Variants in THAP4 observed in about 807,000 individuals in gnomAD.
THAP4 encodes THAP domain containing 4, also known as peroxynitrite isomerase THAP4.
THAP4 carries 18 observed loss-of-function variants against 48.1 expected under a neutral mutation model. The observed-to-expected ratio is 0.37, with a 90% confidence interval of 0.26 to 0.56. The LOEUF is 0.56. Among genes scored for constraint, THAP4 ranks in the 20% least tolerant of loss-of-function variants. The probability of loss-of-function intolerance (pLI) is 0.78; values close to 1 mark genes in which losing one functional copy is unlikely to be tolerated. For synonymous variants in THAP4, 345 were observed against 324.9 expected (o/e 1.06, Z -0.66); for missense variants, 656 against 774.9 (o/e 0.85, Z 1.82).
chr2:241,633,523 C>G lies in THAP4; in HGVS notation c.634G>C (p.Asp212His). 6.2e-7 allele frequency: 1 copy of G among 1,614,154 alleles called. No individual in the cohort carries two copies. Among genetic ancestry groups the G allele is most frequent in the African/African-American group, 1.3e-5 (1 of 75,058 alleles). Residue 212 changes from aspartate to histidine, a missense_variant, in exon 2 of 6, where the codon GAT (aspartate) becomes CAT (histidine). Asp to His is a moderately conservative substitution (Grantham distance 81). Coordinates refer to ENST00000407315, the MANE Select transcript of THAP4 (RefSeq NM_015963.6). This position sits in a 1 kb window ranked among gnomAD's most constrained non-coding sequence, Gnocchi z 7.5. The part of the protein sequence containing the change: ...ATSSIEGGVT[D>H]KSGISMDDFT... ...TCATCCATAGAAATGCCACTCTTAT[C>G]TGTCACGCCCCCTTCGATGGAGGAA...
In THAP4 at chr2:241,637,070, G is replaced by T. The variant is rs1166246777; in HGVS notation, c.-53C>A. 8.2e-6 allele frequency: 9 copies of T among 1,093,444 alleles called. No individual in the cohort carries two copies. The highest frequency in any genetic ancestry group is 8.9e-6 in the Non-Finnish European group (8 of 896,396). 67.7% of individuals were successfully genotyped at this position (1,093,444 alleles called of 1,614,324 possible). A position where few individuals can be genotyped will look rare whatever the true frequency, so the allele number is the denominator to read the frequency against. ...AGGCCCCGGCCCTAGCCGCCCGCCC[G>T]CCCGCGGACCGCCCCGAGGGAGGGA... is the stretch of plus-strand genomic sequence containing the variant. On this transcript the variant is annotated 5_prime_UTR_variant, in exon 1 of 6. Coordinates refer to ENST00000407315, the MANE Select transcript of THAP4 (RefSeq NM_015963.6).
chr2:241,594,936 G>A (rs895371876), intron 5 of THAP4, among the ~76,000 whole-genome samples: 1 of 152,166 alleles, frequency 6.6e-6, no homozygotes, highest in Non-Finnish European at 1.5e-5. Context: ...TAACTGTAGT[G>A]ATGGGTACAC....
In THAP4 at chr2:241,610,674, T is replaced by G. The variant is rs1575028633; in HGVS notation, c.1241-4201A>C. 6.6e-6 allele frequency among the ~76,000 whole-genome samples: 1 copy of G among 150,462 alleles called. No individual in the cohort carries two copies. Among genetic ancestry groups the G allele is most frequent in the Non-Finnish European group, 1.5e-5 (1 of 67,546 alleles). Reference sequence around the variant, plus strand: ...CTCACCGGCAGCCTCTGCCTCCCCCTGGTCTTTCCCTCCCACCACCCACCG... The same window carrying G: ...CTCACCGGCAGCCTCTGCCTCCCCCGGGTCTTTCCCTCCCACCACCCACCG... On this transcript the variant is annotated intron_variant, in intron 2 of 5. Transcript: ENST00000407315. The surrounding 1 kb of genome is among the most constrained non-coding windows in gnomAD (Gnocchi z 4.2).
chr2:241,632,919 C>A lies in THAP4; in HGVS notation c.1238G>T (p.Arg413Leu). The A allele has an allele frequency of 1.3e-6, 2 of 1,594,424 alleles. No individual in the cohort carries two copies. The highest frequency in any genetic ancestry group is 1.7e-6 in the Non-Finnish European group (2 of 1,169,844). The change falls in exon 2 of 6, where the codon CGC becomes CTC. Residue 413 changes from arginine (R) to leucine (L), a missense_variant and splice_region_variant. By Grantham distance (102) the Arg-to-Leu change is moderately radical (BLOSUM62 -2). This residue lies in a region of THAP4 where 176 missense variants were observed against 256.7 expected (regional missense o/e 0.69). Coordinates refer to ENST00000407315, the MANE Select transcript of THAP4 (RefSeq NM_015963.6). ...GTACGCGAGGCTCCGGTACTGACCG[C>A]GGCTGGGCGACAGCAGGCTACTTGG... ...PYPSSLLSPS[R>L]EPPKMNPVVE... is the part of the protein sequence containing the mutation.
Position 241,633,393 on chromosome 2 carries a change from G to T in THAP4, c.764C>A (p.Pro255His), listed in dbSNP as rs372921088. 6.2e-7 allele frequency: 1 copy of T among 1,613,290 alleles called. No homozygotes were observed. The highest frequency in any genetic ancestry group is 8.5e-7 in the Non-Finnish European group (1 of 1,180,024). Reference protein sequence around the residue: ...TRERPSVPREPIDRKRLKKDV... With the variant: ...TRERPSVPREHIDRKRLKKDV... Reference sequence around the variant, plus strand: ...TTTCTTCAGCCTCTTGCGGTCAATGGGCTCTCGGGGGACAGATGGCCTTTC... The same window carrying T: ...TTTCTTCAGCCTCTTGCGGTCAATGTGCTCTCGGGGGACAGATGGCCTTTC... Residue 255 changes from proline to histidine, a missense_variant, in exon 2 of 6, where the codon CCC becomes CAC. Pro to His is a moderately conservative substitution (Grantham distance 77). Coordinates refer to ENST00000407315, the MANE Select transcript of THAP4 (RefSeq NM_015963.6). The surrounding 1 kb of genome is among the most constrained non-coding windows in gnomAD (Gnocchi z 7.5).
rs2067671606 is a variant in THAP4 at position 241,636,827 on chromosome 2, C to G, written c.77+114G>C. On this transcript the variant is annotated intron_variant, in intron 1 of 5. Coordinates refer to ENST00000407315, the MANE Select transcript of THAP4 (RefSeq NM_015963.6). ...AGCGCCCACGCCCGCTCCCCCGCGC[C>G]CCGGCCGCCGAGGCCCGGCGCCCCC... 3.5e-5 allele frequency: 18 copies of G among 517,398 alleles called. No homozygotes were observed. In the South Asian group the frequency reaches 1.4e-3, roughly 39 times the overall value. 32.1% of individuals were successfully genotyped at this position (517,398 alleles called of 1,614,324 possible).
At chr2:241,602,254 C>A in intron 4 of THAP4, 1 of 537,636 alleles carries the variant, frequency 1.9e-6, no homozygotes, top group Non-Finnish European at 3.3e-6. Context: ...CACCTCCACC[C>A]ACCAATCAGC....
intron 5 of THAP4, among the ~76,000 whole-genome samples, chr2:241,600,621 G>A (rs1016096647): frequency 4.6e-5 from 7 of 151,412 alleles, no homozygotes; most frequent in African/African-American, 1.5e-4. Context: ...CCAGCTACTC[G>A]GGAGGCTGAG....
At chr2:241,619,928 G>GTCGT (rs2067399389) in intron 2 of THAP4, among the ~76,000 whole-genome samples, 1 of 108,650 alleles carries the variant, frequency 9.2e-6, no homozygotes, top group African/African-American at 3.6e-5. Context: ...GGGTGAGTGA[G>GTCGT]GGGTGAGGGG....
In THAP4 at chr2:241,610,357, GC is replaced by G. The variant is rs1016977206; in HGVS notation, c.1241-3885del. Among the ~76,000 whole-genome samples the G allele has an allele frequency of 1.6e-4, 25 of 152,222 alleles. No homozygotes were observed. Among genetic ancestry groups the G allele is most frequent in the Non-Finnish European group, 2.6e-4 (18 of 67,998 alleles). ...CTGCGGGACCGGGAGGGCCGCGCTC[GC>G]CCCCCAGCGCCAGGGTCACGCCACC... On this transcript the variant is annotated intron_variant, in intron 2 of 5. Transcript: ENST00000407315. The surrounding 1 kb of genome is among the most constrained non-coding windows in gnomAD (Gnocchi z 4.2).
At chr2:241,593,013 C>T (rs181388553) in intron 5 of THAP4, among the ~76,000 whole-genome samples, 275 of 152,280 alleles carry the variant, frequency 1.8e-3, no homozygotes, top group Middle Eastern at 3.4e-3. Context: ...GAAGCTGAGG[C>T]GGGTTGATCA....
At chr2:241,605,722 C>CTT (rs71049590) in intron 3 of THAP4, among the ~76,000 whole-genome samples, 1 of 147,414 alleles carries the variant, frequency 6.8e-6, no homozygotes. Flanking sequence ...TAATTTTTTT[C>CTT]TTTTTTTTTT....
At position 241,637,049 on chromosome 2, in the gene THAP4, C is replaced by A; in HGVS notation, c.-32G>T. Reference sequence around the variant, plus strand: ...CCTTGGCCCAGCCGCGCAGCCAGGCCCCGGCCCTAGCCGCCCGCCCGCCCG... The same window carrying A: ...CCTTGGCCCAGCCGCGCAGCCAGGCACCGGCCCTAGCCGCCCGCCCGCCCG... On this transcript the variant is annotated 5_prime_UTR_variant, in exon 1 of 6. Transcript: ENST00000407315. 1 of 1,177,368 alleles carries A rather than the reference C, an allele frequency of 8.5e-7. No homozygotes were observed. Among genetic ancestry groups the A allele is most frequent in the Non-Finnish European group, 1.1e-6 (1 of 936,764 alleles). 72.9% of individuals were successfully genotyped at this position (1,177,368 alleles called of 1,614,324 possible). A position where few individuals can be genotyped will look rare whatever the true frequency, so the allele number is the denominator to read the frequency against.
rs2067136095 is a variant in THAP4, at chr2:241,603,030, C to T, written c.1450G>A (p.Gly484Ser). ...GTGTCGGGCTTGAGGCGAATGAAGC[C>T]ACACTCTCTGTGCATCGGCTTGCGC... ...DTRKPMHREC[G>S]FIRLKPDTNK... Residue 484 changes from glycine (G) to serine (S), a missense_variant, in exon 4 of 6, where the codon GGC (glycine) becomes AGC (serine). This residue lies in a region of THAP4 where 176 missense variants were observed against 256.7 expected (regional missense o/e 0.69). Transcript: ENST00000407315. 6.2e-7 allele frequency: 1 copy of T among 1,614,098 alleles called. No homozygotes were observed. Among genetic ancestry groups the T allele is most frequent in the Admixed American group, 1.7e-5 (1 of 60,018 alleles).
chr2:241,619,660 T>A (rs990513939), intron 2 of THAP4, among the ~76,000 whole-genome samples: 2 of 151,978 alleles, frequency 1.3e-5, no homozygotes, highest in Non-Finnish European at 2.9e-5. Flanking sequence ...TCTGGGTGAG[T>A]TGGTGAGTAA....
Position 241,601,681 on chromosome 2 carries a change from A to C in THAP4, c.1614+215T>G. The C allele has an allele frequency of 1.2e-6, 1 of 821,696 alleles. No individual in the cohort carries two copies. 50.9% of individuals were successfully genotyped at this position (821,696 alleles called of 1,614,324 possible). The stretch of plus-strand genomic sequence containing the variant: ...TGTTTGTGACAAACAACAAACCTCA[A>C]AAAAACCACACCACTGACCAGCCGA... On this transcript the variant is annotated intron_variant, in intron 5 of 5. Transcript: ENST00000407315. The surrounding 1 kb of genome is among the most constrained non-coding windows in gnomAD (Gnocchi z 4.0).
intron 5 of THAP4, among the ~76,000 whole-genome samples, chr2:241,590,278 G>T (rs1575016360): frequency 1.3e-5 from 2 of 149,872 alleles, no homozygotes; most frequent in East Asian, 2.0e-4. Context: ...TGGGCACTAG[G>T]ACACTCAGAG....
chr2:241,614,680 G>A (rs1340146323), intron 2 of THAP4, among the ~76,000 whole-genome samples: 1 of 152,110 alleles, frequency 6.6e-6, no homozygotes, highest in East Asian at 1.9e-4. Flanking sequence ...GAGGTCAGGA[G>A]TTCGAGACCA....
chr2:241,590,592 T>G (rs79624012), intron 5 of THAP4, among the ~76,000 whole-genome samples: 10 of 61,324 alleles, frequency 1.6e-4, no homozygotes, highest in Admixed American at 3.7e-4. Context: ...ACTAGGACAC[T>G]CAGAGCTGCT....
Sources: allele counts gnomAD v4.1 joint callset (sites outside exome capture counted in the v4.1 genomes callset), GRCh38; gene constraint gnomAD v4.1.1; regional missense constraint gnomAD v4.1.1; non-coding constraint Gnocchi (gnomAD v3.1); transcripts MANE v1.5; gene names NCBI Gene and HGNC (gene_info 2026-07-23, HGNC 2026-07-21).